Variants in SCHIP1 observed in about 807,000 individuals in gnomAD.
SCHIP1 encodes the protein schwannomin interacting protein 1.
A neutral mutation model predicts 29.7 loss-of-function variants in SCHIP1; 8 were observed. That is an observed-to-expected ratio of 0.27 (90% confidence interval 0.16 to 0.49). The LOEUF is 0.49. Among genes scored for constraint, SCHIP1 ranks in the 20% least tolerant of loss-of-function variants. The probability of loss-of-function intolerance (pLI) is 0.99; values close to 1 mark genes in which losing one functional copy is unlikely to be tolerated. For synonymous variants in SCHIP1, 76 were observed against 94.9 expected (o/e 0.80, Z 1.16); for missense variants, 193 against 294.6 (o/e 0.66, Z 2.52).
chr3:159,347,541 T>C, the SCHIP1 span, among the ~76,000 whole-genome samples: 1 of 152,202 alleles, frequency 6.6e-6, no homozygotes, highest in East Asian at 1.9e-4. Flanking sequence ...AAATACTTTA[T>C]TAATAGTGAC....
At chr3:159,529,682 A>AT in the SCHIP1 span, among the ~76,000 whole-genome samples, 2 of 152,104 alleles carry the variant, frequency 1.3e-5, no homozygotes, top group Non-Finnish European at 2.9e-5. Context: ...TAGTCACTCT[A>AT]TTTTGCCATC....
the SCHIP1 span, among the ~76,000 whole-genome samples, chr3:159,397,863 C>T: frequency 6.6e-6 from 1 of 152,240 alleles, no homozygotes; most frequent in Non-Finnish European, 1.5e-5. Context: ...CCAGTTCGAG[C>T]TTCCTGACTG....
chr3:159,798,154 T>C, the SCHIP1 span, among the ~76,000 whole-genome samples: 1 of 152,186 alleles, frequency 6.6e-6, no homozygotes, highest in Admixed American at 6.5e-5. Flanking sequence ...TGGCCTCCTA[T>C]AAATTTTATA....
upstream of SCHIP1, among the ~76,000 whole-genome samples, chr3:159,837,764 A>T (rs1743811033): frequency 6.6e-6 from 1 of 151,738 alleles, no homozygotes; most frequent in Non-Finnish European, 1.5e-5. Context: ...GGGTGGTTGT[A>T]TTGCAAGGCA....
the SCHIP1 span, among the ~76,000 whole-genome samples, chr3:159,696,174 G>T: frequency 6.6e-6 from 1 of 152,124 alleles, no homozygotes; most frequent in Non-Finnish European, 1.5e-5. Context: ...TATAACAAAT[G>T]GTTTACAATC....
At chr3:159,465,997 G>A in the SCHIP1 span, among the ~76,000 whole-genome samples, 1 of 152,026 alleles carries the variant, frequency 6.6e-6, no homozygotes, top group Non-Finnish European at 1.5e-5. Context: ...TATGTCATGG[G>A]CTATGTTACA....
At chr3:159,868,197 T>TTG (rs941414008) in intron 2 of SCHIP1, among the ~76,000 whole-genome samples, 23 of 150,364 alleles carry the variant, frequency 1.5e-4, no homozygotes, top group South Asian at 1.0e-3. Context: ...ATATGTGTCT[T>TTG]TGTGTGTGTG....
At chr3:159,614,013 G>T in the SCHIP1 span, among the ~76,000 whole-genome samples, 2 of 152,138 alleles carry the variant, frequency 1.3e-5, no homozygotes, top group East Asian at 3.9e-4. Context: ...TATTTAACCT[G>T]TACTAAAACC....
chr3:159,836,026 C>T (rs1324078391), upstream of SCHIP1, among the ~76,000 whole-genome samples: 4 of 152,198 alleles, frequency 2.6e-5, no homozygotes, highest in Non-Finnish European at 2.9e-5. Context: ...GGTAGACCCA[C>T]GCTGCAGCTT....
the SCHIP1 span, among the ~76,000 whole-genome samples, chr3:159,707,673 A>G: frequency 1.3e-5 from 2 of 152,352 alleles, no homozygotes; most frequent in East Asian, 1.9e-4. Flanking sequence ...ACGAGATCCC[A>G]TAATTTTTCA....
chr3:159,278,874 G>T, the SCHIP1 span, among the ~76,000 whole-genome samples: 1 of 152,270 alleles, frequency 6.6e-6, no homozygotes, highest in Non-Finnish European at 1.5e-5. Flanking sequence ...ATACAGTGGG[G>T]TGACCCTTCT....
At chr3:159,462,889 G>A in the SCHIP1 span, among the ~76,000 whole-genome samples, 2 of 152,004 alleles carry the variant, frequency 1.3e-5, no homozygotes, top group Non-Finnish European at 2.9e-5. Context: ...CTATGATAGG[G>A]GAAAATTAAA....
At chr3:159,723,417 T>C in the SCHIP1 span, among the ~76,000 whole-genome samples, 1 of 152,224 alleles carries the variant, frequency 6.6e-6, no homozygotes, top group African/African-American at 2.4e-5. Context: ...TAGAAAAGTA[T>C]CACAAGTCTA....
At chr3:159,489,447 T>C in the SCHIP1 span, among the ~76,000 whole-genome samples, 1 of 152,234 alleles carries the variant, frequency 6.6e-6, no homozygotes, top group Non-Finnish European at 1.5e-5. Context: ...AAAAACCATC[T>C]TTTAATTTAC....
At chr3:159,473,371 T>C in the SCHIP1 span, among the ~76,000 whole-genome samples, 1 of 152,090 alleles carries the variant, frequency 6.6e-6, no homozygotes, top group African/African-American at 2.4e-5. Context: ...ATGTTTCTTA[T>C]TTGGCAGAAA....
At chr3:159,765,187 C>G in the SCHIP1 span, 1 of 1,496,712 alleles carries the variant, frequency 6.7e-7, no homozygotes, top group African/African-American at 1.4e-5. Flanking sequence ...GCGTACACAC[C>G]CCGCGCACAG....
chr3:159,583,057 C>G, the SCHIP1 span, among the ~76,000 whole-genome samples: 6 of 152,016 alleles, frequency 3.9e-5, no homozygotes, highest in African/African-American at 7.2e-5. Context: ...AGCAACATTT[C>G]TGAAAAAATG....
the SCHIP1 span, among the ~76,000 whole-genome samples, chr3:159,615,565 G>T: frequency 2.0e-5 from 3 of 152,184 alleles, no homozygotes; most frequent in African/African-American, 7.2e-5. Flanking sequence ...GGACTGAGAA[G>T]TCCCATTGGC....
chr3:159,617,133 A>C, the SCHIP1 span, among the ~76,000 whole-genome samples: 1 of 152,194 alleles, frequency 6.6e-6, no homozygotes, highest in African/African-American at 2.4e-5. Context: ...GGGTCTAAAA[A>C]ATACAATTCT....
Sources: gnomAD v4.1 joint callset for allele counts (sites outside exome capture counted in the v4.1 genomes callset) on GRCh38, gnomAD v4.1.1 for gene constraint, MANE v1.5 for transcripts, NCBI Gene and HGNC (gene_info 2026-07-23, HGNC 2026-07-21) for gene names.